GNAL: variants seen among roughly 807,000 people sequenced by gnomAD.
GNAL encodes the protein guanine nucleotide-binding protein G(olf) subunit alpha.
In GNAL, 18 loss-of-function variants were observed where a neutral mutation model predicts 55.1. The observed-to-expected ratio is 0.33, with a 90% confidence interval of 0.23 to 0.48. The LOEUF is 0.48. Among genes scored for constraint, GNAL ranks in the 20% least tolerant of loss-of-function variants. The pLI is 0.99. For missense variants in GNAL, 412 were observed against 614.1 expected (o/e 0.67, Z 3.48); for synonymous variants, 253 against 237.0 (o/e 1.07, Z -0.62).
chr18:11,789,902 A>G (rs764832582), intron 4 of GNAL, among the ~76,000 whole-genome samples: 9 of 152,230 alleles, frequency 5.9e-5, no homozygotes, highest in Non-Finnish European at 8.8e-5. Flanking sequence ...TGCAGAGGAA[A>G]AGCCTCAGAT....
At position 11,884,935 on chromosome 18, in the gene GNAL, T is replaced by A. The variant is rs1163199476; in HGVS notation, c.*3800T>A. The A allele has an allele frequency of 2.3e-6, 3 of 1,292,250 alleles. No homozygotes were observed. The African/African-American group carries it at 4.5e-5, about 20-fold the overall frequency. The allele number at this position is 1,292,250 out of a possible 1,614,324, so 80.0% of individuals were successfully genotyped here. ...CCCATCAAATATAGTGGGGGATCCA[T>A]AACAGAGATTCAGAGAGGCACCGTG... On this transcript the variant is annotated 3_prime_UTR_variant, in exon 12 of 12. Transcript: ENST00000334049.
chr18:11,751,723 G>T lies in GNAL; in HGVS notation c.377-1130G>T. 1 of 937,316 alleles carries T rather than the reference G, an allele frequency of 1.1e-6. No individual in the cohort carries two copies. Among genetic ancestry groups the T allele is most frequent in the Non-Finnish European group, 1.3e-6 (1 of 785,998 alleles). 58.1% of individuals were successfully genotyped at this position (937,316 alleles called of 1,614,324 possible). A position where few individuals can be genotyped will look rare whatever the true frequency, so the allele number is the denominator to read the frequency against. On this transcript the variant is annotated intron_variant, in intron 1 of 11. Transcript: ENST00000334049. This position sits in a 1 kb window ranked among gnomAD's most constrained non-coding sequence, Gnocchi z 4.5. Reference sequence around the variant, plus strand: ...GGTCAGCGTGTAAGCGCCCCAGCCGGCCGGGCTCCGTGGGGGGTCAGCTCC... The same window carrying T: ...GGTCAGCGTGTAAGCGCCCCAGCCGTCCGGGCTCCGTGGGGGGTCAGCTCC...
chr18:11,851,466 G>C (rs2035863833), intron 5 of GNAL: 2 of 1,483,654 alleles, frequency 1.3e-6, no homozygotes, highest in Non-Finnish European at 1.8e-6. Flanking sequence ...CTCTGCCTTC[G>C]GCGCGCTTCT....
intron 4 of GNAL, among the ~76,000 whole-genome samples, chr18:11,802,304 G>A (rs577030362): frequency 6.6e-6 from 1 of 152,218 alleles, no homozygotes; most frequent in African/African-American, 2.4e-5. Flanking sequence ...GACAGTCCTG[G>A]GAAATGTCAA....
chr18:11,806,916 C>A (rs1301135886), intron 4 of GNAL, among the ~76,000 whole-genome samples: 6 of 152,126 alleles, frequency 3.9e-5, no homozygotes, highest in African/African-American at 1.4e-4. Context: ...ATCCGCCCGC[C>A]TCGGCCTCCC....
At chr18:11,742,370 C>T (rs1017415093) in intron 1 of GNAL, among the ~76,000 whole-genome samples, 1 of 147,226 alleles carries the variant, frequency 6.8e-6, no homozygotes, top group Admixed American at 6.7e-5. Flanking sequence ...CCACAGTCCA[C>T]TTACTGGGAG....
chr18:11,880,169 A>C (rs2036636416), intron 11 of GNAL, among the ~76,000 whole-genome samples: 1 of 151,298 alleles, frequency 6.6e-6, no homozygotes, highest in Non-Finnish European at 1.5e-5. Context: ...AGGCAGGAGA[A>C]TTGCTTGAAC....
In GNAL at chr18:11,827,788, A is replaced by G. The variant is rs371580692; in HGVS notation, c.722+2773A>G. Among the ~76,000 whole-genome samples the G allele has an allele frequency of 3.3e-5, 5 of 151,752 alleles. No homozygotes were observed. The East Asian group carries it at 7.8e-4, about 24-fold the overall frequency. ...AGATCGAGACCATCCTGGCTAACAC[A>G]GTGAAACCCCGTCTCTACTAAAAAT... On this transcript the variant is annotated intron_variant, in intron 5 of 11. Coordinates refer to ENST00000334049, the MANE Select transcript of GNAL (RefSeq NM_182978.4).
chr18:11,711,262 A>G (rs2031832371), intron 1 of GNAL, among the ~76,000 whole-genome samples: 1 of 152,018 alleles, frequency 6.6e-6, no homozygotes. Flanking sequence ...CAGATTTGGG[A>G]TGTTTTGACC....
At position 11,858,816 on chromosome 18, in the gene GNAL, CACTT is replaced by C. The variant is rs1168367448; in HGVS notation, c.723-3577_723-3574del. On this transcript the variant is annotated intron_variant, in intron 5 of 11. Coordinates refer to ENST00000334049, the MANE Select transcript of GNAL (RefSeq NM_182978.4). The stretch of plus-strand genomic sequence containing the variant: ...ATGTTCAATGAGACCTCCCACGTCT[CACTT>C]AGATCTCTGAGAATCAGAGCTGGAA... Among the ~76,000 whole-genome samples the C allele has an allele frequency of 5.3e-5, 8 of 152,312 alleles. No homozygotes were observed. In the South Asian group the frequency reaches 8.3e-4, roughly 16 times the overall value.
At chr18:11,762,898 CT>C (rs1471051813) in intron 4 of GNAL, among the ~76,000 whole-genome samples, 3 of 152,238 alleles carry the variant, frequency 2.0e-5, no homozygotes, top group Admixed American at 1.3e-4. Flanking sequence ...TCTCACATGG[CT>C]TATGTCATGA....
At chr18:11,866,465 G>A (rs1015433632) in intron 7 of GNAL, among the ~76,000 whole-genome samples, 1 of 150,410 alleles carries the variant, frequency 6.6e-6, no homozygotes, top group Non-Finnish European at 1.5e-5. Flanking sequence ...AACTCTCCCA[G>A]GGAGAAACGC....
chr18:11,802,926 G>A (rs780171536), intron 4 of GNAL, among the ~76,000 whole-genome samples: 2 of 152,186 alleles, frequency 1.3e-5, no homozygotes, highest in Non-Finnish European at 2.9e-5. Flanking sequence ...TGTGTGTCTG[G>A]AGAAGAGTGA....
intron 4 of GNAL, among the ~76,000 whole-genome samples, chr18:11,785,868 C>T (rs747516796): frequency 6.6e-6 from 1 of 152,186 alleles, no homozygotes; most frequent in Admixed American, 6.5e-5. Context: ...TTAAAGGCTT[C>T]CGCCCACCTT....
At chr18:11,717,359 A>G (rs1206814325) in intron 1 of GNAL, among the ~76,000 whole-genome samples, 2 of 152,222 alleles carry the variant, frequency 1.3e-5, no homozygotes, top group Admixed American at 1.3e-4. Flanking sequence ...CCCACAGTGC[A>G]GTGGCGGGTT....
chr18:11,839,569 A>AAAAAAT (rs1555656666), intron 5 of GNAL, among the ~76,000 whole-genome samples: 3 of 150,286 alleles, frequency 2.0e-5, no homozygotes, highest in African/African-American at 7.3e-5. Flanking sequence ...AAAAAAAAAA[A>AAAAAAT]TTTTTTTTCT....
At chr18:11,733,436 A>C (rs2032387571) in intron 1 of GNAL, among the ~76,000 whole-genome samples, 1 of 152,252 alleles carries the variant, frequency 6.6e-6, no homozygotes. Context: ...CCAGTTCTCC[A>C]GAGCTGGAGC....
At chr18:11,731,396 G>C (rs1165725670) in intron 1 of GNAL, among the ~76,000 whole-genome samples, 1 of 152,206 alleles carries the variant, frequency 6.6e-6, no homozygotes, top group African/African-American at 2.4e-5. Context: ...TGATCCACCC[G>C]CCTTGGCCTC....
intron 1 of GNAL, among the ~76,000 whole-genome samples, chr18:11,750,660 A>C (rs566755370): frequency 6.6e-6 from 1 of 152,044 alleles, no homozygotes; most frequent in Non-Finnish European, 1.5e-5. Flanking sequence ...CCTTGATGAG[A>C]GTATTTTCCC....
Sources: gnomAD v4.1 joint callset for allele counts (sites outside exome capture counted in the v4.1 genomes callset) on GRCh38, gnomAD v4.1.1 for gene constraint, Gnocchi (gnomAD v3.1) non-coding constraint, MANE v1.5 for transcripts, NCBI Gene and HGNC (gene_info 2026-07-23, HGNC 2026-07-21) for gene names.